CDON: variants seen among roughly 807,000 people sequenced by gnomAD.
CDON encodes the protein cell adhesion molecule-related/down-regulated by oncogenes.
In CDON, 73 loss-of-function variants were observed where a neutral mutation model predicts 120.9. That is an observed-to-expected ratio of 0.60 (90% CI 0.50 to 0.73). The LOEUF (loss-of-function observed/expected upper bound fraction) is 0.73. CDON is among the 30% of genes least tolerant of loss of function. CDON has a pLI of 0.00. For synonymous variants in CDON, 566 were observed against 573.5 expected, an observed-to-expected ratio of 0.99 and a Z score of 0.19; for missense variants, 1,470 against 1,587.3, an observed-to-expected ratio of 0.93 and a Z score of 1.26.
rs1945583529 is a variant in CDON, at chr11:125,959,620, AAAC to A, written c.*1319_*1321del. On this transcript the variant is annotated 3_prime_UTR_variant, in exon 20 of 20. Coordinates refer to ENST00000531738, the MANE Select transcript of CDON (RefSeq NM_001378964.1). ...AAACAAACAAACAAAAAAAAACAAAAAACAAACAAACAAAAAAAAACCCTTTTC... is the reference window on the plus strand; with the variant it reads ...AAACAAACAAACAAAAAAAAACAAAAAAACAAACAAAAAAAAACCCTTTTC... The A allele has an allele frequency of 6.7e-6, 1 of 149,884 alleles. No homozygotes were observed. Among genetic ancestry groups the A allele is most frequent in the South Asian group, 2.1e-4 (1 of 4,758 alleles). 9.3% of individuals were successfully genotyped at this position (149,884 alleles called of 1,614,324 possible). A position where few individuals can be genotyped will look rare whatever the true frequency, so the allele number is the denominator to read the frequency against.
chr11:126,026,969 C>T (rs559487028), intron 1 of CDON, among the ~76,000 whole-genome samples: 91 of 152,270 alleles, frequency 6.0e-4, no homozygotes, highest in African/African-American at 1.9e-3. Flanking sequence ...AGTGCATGAC[C>T]TACTCAGTGA....
intron 8 of CDON, among the ~76,000 whole-genome samples, chr11:126,008,815 T>G (rs1947205778): frequency 6.6e-6 from 1 of 152,236 alleles, no homozygotes; most frequent in Non-Finnish European, 1.5e-5. Context: ...AACTACTTTC[T>G]TCATTTAAGG....
chr11:126,049,225 T>C (rs1948492932), intron 1 of CDON, among the ~76,000 whole-genome samples: 1 of 152,202 alleles, frequency 6.6e-6, no homozygotes, highest in Admixed American at 6.5e-5. Context: ...TTTTCTCTTT[T>C]CAAATTAAAA....
rs757156779 is a variant in CDON, at chr11:126,017,380, A to G, written c.641-5T>C. The stretch of plus-strand genomic sequence containing the variant: ...GAACATCATCTGAAGAAGGACCTGG[A>G]AAAGGAAAGGAGATGAGAGATTATT... On this transcript the variant is annotated splice_region_variant and splice_polypyrimidine_tract_variant and intron_variant, in intron 5 of 19. Transcript: ENST00000531738. The G allele has an allele frequency of 1.2e-6, 2 of 1,613,770 alleles. No homozygotes were observed. Among genetic ancestry groups the G allele is most frequent in the African/African-American group, 2.7e-5 (2 of 75,056 alleles).
At chr11:125,977,045 G>A (rs762050607) in intron 18 of CDON, among the ~76,000 whole-genome samples, 8 of 152,246 alleles carry the variant, frequency 5.3e-5, no homozygotes, top group Admixed American at 1.3e-4. Flanking sequence ...AACTAAATCC[G>A]TCTGATTACT....
Position 125,960,807 on chromosome 11 carries a change from T to C in CDON, c.*135A>G. On this transcript the variant is annotated 3_prime_UTR_variant, in exon 20 of 20. Transcript: ENST00000531738. ...GCACACGTTTTAAGATACATTCATATGACATTACTACTACAAAAAAATAAA... is the reference window on the plus strand; with the variant it reads ...GCACACGTTTTAAGATACATTCATACGACATTACTACTACAAAAAAATAAA... The C allele has an allele frequency of 1.2e-6, 1 of 824,588 alleles. No homozygotes were observed. Among genetic ancestry groups the C allele is most frequent in the Non-Finnish European group, 2.1e-6 (1 of 478,534 alleles). 51.1% of individuals were successfully genotyped at this position (824,588 alleles called of 1,614,324 possible). A position where few individuals can be genotyped will look rare whatever the true frequency, so the allele number is the denominator to read the frequency against.
At chr11:126,001,639 C>T in intron 11 of CDON, 80 bp downstream of exon 11, 2 of 1,217,360 alleles carry the variant, frequency 1.6e-6, no homozygotes, top group Non-Finnish European at 2.4e-6. Flanking sequence ...TAAACAAACA[C>T]CCTATTCCAC....
Position 125,961,011 on chromosome 11 carries a change from T to C in CDON, c.3726A>G (p.Thr1242=), listed in dbSNP as rs139588649. The C allele has an allele frequency of 1.9e-6, 3 of 1,614,166 alleles. No homozygotes were observed. In the South Asian group the frequency reaches 3.3e-5, roughly 18 times the overall value. ...AAGGAATGCCAGGTGGAGACCACATTGTCTTCTCAGCACAGCCCTCGGGGA... is the reference window on the plus strand; with the variant it reads ...AAGGAATGCCAGGTGGAGACCACATCGTCTTCTCAGCACAGCCCTCGGGGA... ...PPVPEGCAEK[T]MWSPPGIPLD... is the part of the protein sequence containing the mutation. Residue 1242 remains threonine, a synonymous_variant, in exon 20 of 20, where the codon ACA becomes ACG. Transcript: ENST00000531738.
At chr11:126,053,288 C>T (rs920874258) in intron 1 of CDON, among the ~76,000 whole-genome samples, 1 of 152,218 alleles carries the variant, frequency 6.6e-6, no homozygotes, top group Non-Finnish European at 1.5e-5. Context: ...TGTGGCCCTA[C>T]TCAGGAGTTT....
At chr11:125,994,794 AT>A in intron 13 of CDON, 76 bp downstream of exon 13, 1 of 1,284,254 alleles carries the variant, frequency 7.8e-7, no homozygotes, top group Non-Finnish European at 1.1e-6. Context: ...TGTTTACTGT[AT>A]TGTGTCATGA....
chr11:125,964,494 T>C (rs1945734129), intron 18 of CDON, among the ~76,000 whole-genome samples: 2 of 152,024 alleles, frequency 1.3e-5, no homozygotes, highest in Admixed American at 6.6e-5. Context: ...GTAAATCCTT[T>C]CTAGAGGGGG....
chr11:126,042,036 C>T (rs996825719), intron 1 of CDON, among the ~76,000 whole-genome samples: 2 of 152,110 alleles, frequency 1.3e-5, no homozygotes, highest in African/African-American at 4.8e-5. Flanking sequence ...AGGCATGAGC[C>T]ACCACGCCCA....
intron 1 of CDON, among the ~76,000 whole-genome samples, chr11:126,045,911 G>A (rs1200234141): frequency 3.9e-5 from 6 of 151,948 alleles, no homozygotes; most frequent in African/African-American, 9.7e-5. Context: ...CAGAGAATGC[G>A]GTGAGCCAGG....
chr11:126,008,210 C>T (rs1212604328), intron 8 of CDON, among the ~76,000 whole-genome samples: 1 of 152,088 alleles, frequency 6.6e-6, no homozygotes. Flanking sequence ...CTGGAAAAAA[C>T]AAAAGGCTGG....
chr11:126,062,213 T>C (rs1158232334), intron 1 of CDON, among the ~76,000 whole-genome samples: 4 of 152,082 alleles, frequency 2.6e-5, no homozygotes, highest in Admixed American at 6.5e-5. Flanking sequence ...GGGATGGAGA[T>C]TGAGAGAGGC....
intron 4 of CDON, 55 bp from the exon 5 acceptor site, chr11:126,018,528 C>T (rs1591392336): frequency 6.8e-7 from 1 of 1,467,946 alleles, no homozygotes. Context: ...GACACCACAG[C>T]ACAACTAAAA....
At chr11:125,962,091 T>C (rs1945662194) in intron 18 of CDON, 93 bp from the exon 19 acceptor site, 7 of 958,964 alleles carry the variant, frequency 7.3e-6, no homozygotes, top group Non-Finnish European at 1.2e-5. Flanking sequence ...GTATTCTGTA[T>C]TCACAGACTC....
At chr11:126,001,139 C>T (rs1490151029) in intron 11 of CDON, among the ~76,000 whole-genome samples, 2 of 151,576 alleles carry the variant, frequency 1.3e-5, no homozygotes, top group Non-Finnish European at 2.9e-5. Context: ...TTTCAGAGTT[C>T]AAAATATAAA....
rs1945594690 is a variant in CDON at position 125,959,947 on chromosome 11, A to G, written c.*995T>C. ...TAATGTAATTTTAAAGCAGTGGGAC[A>G]TGAGGCATTATTTGTCTCTCTGGCC... On this transcript the variant is annotated 3_prime_UTR_variant, in exon 20 of 20. Transcript: ENST00000531738. 1 of 152,186 alleles carries G rather than the reference A, an allele frequency of 6.6e-6. No homozygotes were observed. The highest frequency in any genetic ancestry group is 1.5e-5 in the Non-Finnish European group (1 of 68,022). The allele number at this position is 152,186 out of a possible 1,614,324, so 9.4% of individuals were successfully genotyped here.
Sources: allele counts gnomAD v4.1 joint callset (sites outside exome capture counted in the v4.1 genomes callset), GRCh38; gene constraint gnomAD v4.1.1; transcripts MANE v1.5; gene names NCBI Gene and HGNC (gene_info 2026-07-23, HGNC 2026-07-21).